The following RAPGEFL1 variants were observed in gnomAD, a reference collection of about 807,000 sequenced individuals.
The protein encoded by RAPGEFL1 is Rap guanine nucleotide exchange factor like 1, also known as rap guanine nucleotide exchange factor-like 1.
RAPGEFL1 carries 31 observed loss-of-function variants against 64.4 expected under a neutral mutation model. The observed-to-expected ratio is 0.48, with a 90% CI of 0.36 to 0.65. The LOEUF (loss-of-function observed/expected upper bound fraction) is 0.65. RAPGEFL1 is among the 30% of genes least tolerant of loss of function. RAPGEFL1 has a pLI of 0.00. For synonymous variants in RAPGEFL1, 331 were observed against 274.1 expected (o/e 1.21, Z -2.05); for missense variants, 682 against 677.4 (o/e 1.01, Z -0.08).
At position 40,177,580 on chromosome 17, in the gene RAPGEFL1, C is replaced by T. The variant is rs548511141; in HGVS notation, c.-282C>T. 2.5e-5 allele frequency: 10 copies of T among 404,620 alleles called. No individual in the cohort carries two copies. The highest frequency in any genetic ancestry group is 2.0e-4 in the East Asian group (5 of 24,586). 25.1% of individuals were successfully genotyped at this position (404,620 alleles called of 1,614,324 possible). On this transcript the variant is annotated 5_prime_UTR_variant, in exon 1 of 15. Coordinates refer to ENST00000620260, the MANE Select transcript of RAPGEFL1 (RefSeq NM_016339.6). ...TGCCGCCGCAGCGCAGAGCCGGGCG[C>T]ACCGGCCCCGCAGCCTGCCCACTCT...
chr17:40,181,445 C>T, intron 1 of RAPGEFL1, 171 bp from the exon 2 acceptor site: 1 of 651,056 alleles, frequency 1.5e-6, no homozygotes, highest in African/African-American at 1.8e-5. Flanking sequence ...CTGCCCAGAA[C>T]CTTTACACAT....
At chr17:40,190,864 C>A in intron 8 of RAPGEFL1, 102 bp downstream of exon 8, 1 of 1,528,478 alleles carries the variant, frequency 6.5e-7, no homozygotes, top group Non-Finnish European at 8.8e-7. Flanking sequence ...GGCTCACTTG[C>A]AGCAAGCCCT....
At chr17:40,177,220 G>T, upstream of RAPGEFL1, 1 of 702,636 alleles carries the variant, frequency 1.4e-6, no homozygotes, top group Non-Finnish European at 2.6e-6. Flanking sequence ...CCACAGACCT[G>T]TCCTGACTCT....
At chr17:40,189,864 G>A (rs940355833) in intron 6 of RAPGEFL1, among the ~76,000 whole-genome samples, 5 of 152,110 alleles carry the variant, frequency 3.3e-5, no homozygotes, top group Admixed American at 6.5e-5. Flanking sequence ...GCTGAGGCAG[G>A]AGAATCACTT....
At chr17:40,190,387 G>C (rs1300991645) in intron 6 of RAPGEFL1, 47 bp from the exon 7 acceptor site, 6 of 1,540,778 alleles carry the variant, frequency 3.9e-6, no homozygotes, top group Non-Finnish European at 5.4e-6. Flanking sequence ...GGATGTGTGA[G>C]GGTGCAGGCG....
chr17:40,188,797 T>C (rs1990161536), intron 4 of RAPGEFL1, 69 bp from the exon 5 acceptor site: 2 of 1,233,662 alleles, frequency 1.6e-6, no homozygotes, highest in South Asian at 2.4e-5. Flanking sequence ...TTGCTTGATG[T>C]TGCCTGCTTG....
chr17:40,193,567 A>C (rs745750442), intron 14 of RAPGEFL1, 97 bp from the exon 15 acceptor site: 1 of 1,598,380 alleles, frequency 6.3e-7, no homozygotes, highest in South Asian at 1.1e-5. Context: ...CCTGCCCAAC[A>C]TCTGTCTCAG....
At chr17:40,189,469 T>C in intron 6 of RAPGEFL1, 94 bp downstream of exon 6, 2 of 1,373,844 alleles carry the variant, frequency 1.5e-6, no homozygotes, top group South Asian at 2.6e-5. Flanking sequence ...TTCTAGGCCC[T>C]TGCTACTCAA....
chr17:40,184,505 C>A, intron 3 of RAPGEFL1, 76 bp from the exon 4 acceptor site: 2 of 1,147,240 alleles, frequency 1.7e-6, no homozygotes, highest in Admixed American at 2.5e-5. Flanking sequence ...GGTATGGAGA[C>A]CTTGCCCGGC....
In RAPGEFL1 at chr17:40,189,190, T is replaced by A; in HGVS notation, c.947-18T>A. The A allele has an allele frequency of 3.1e-6, 5 of 1,613,300 alleles. No individual in the cohort carries two copies. The highest frequency in any genetic ancestry group is 4.2e-6 in the Non-Finnish European group (5 of 1,179,356). ...CACTCTGCCCTCTGTTGAAAGCCAT[T>A]TTCCTGTTTCCGTCCAGTCTTCTGC... On this transcript the variant is annotated intron_variant, in intron 5 of 14. Coordinates refer to ENST00000620260, the MANE Select transcript of RAPGEFL1 (RefSeq NM_016339.6).
chr17:40,188,855 G>C lies in RAPGEFL1; in HGVS notation c.834-11G>C, dbSNP rs374213124. ...GCAGGGCGTGCTGATGCCCAGCTGT[G>C]TCCATGCCAGGATTCCAGAGGAGAA... On this transcript the variant is annotated splice_polypyrimidine_tract_variant and intron_variant, in intron 4 of 14. Transcript: ENST00000620260. 2.0e-4 allele frequency: 324 copies of C among 1,611,892 alleles called. 1 individual carries two copies. The Middle Eastern group carries it at 2.1e-3, about 11-fold the overall frequency.
intron 4 of RAPGEFL1, among the ~76,000 whole-genome samples, chr17:40,186,413 A>G (rs1990073793): frequency 6.8e-6 from 1 of 147,990 alleles, no homozygotes; most frequent in Non-Finnish European, 1.5e-5. Flanking sequence ...CTAAAAATAC[A>G]AAAAATTAGC....
In RAPGEFL1 at chr17:40,178,371, C is replaced by T. The variant is rs1417102097; in HGVS notation, c.510C>T (p.Ser170=). The change falls in exon 1 of 15, where the codon AGC becomes AGT. Residue 170 remains serine (S), a synonymous_variant. Coordinates refer to ENST00000620260, the MANE Select transcript of RAPGEFL1 (RefSeq NM_016339.6). The part of the protein sequence containing the change: ...ERLAGGATRD[S]AASDILLDDI... ...TTGCTGGAGGGGCTACCAGGGACAG[C>T]GCCGCCTCAGGTAAGGAGCCGGTGG... The T allele has an allele frequency of 5.7e-6, 3 of 522,666 alleles. No individual in the cohort carries two copies. Among genetic ancestry groups the T allele is most frequent in the Non-Finnish European group, 1.0e-5 (3 of 290,964 alleles). The allele number at this position is 522,666 out of a possible 1,614,324, so 32.4% of individuals were successfully genotyped here.
intron 4 of RAPGEFL1, among the ~76,000 whole-genome samples, chr17:40,185,958 C>G (rs935983345): frequency 1.4e-5 from 2 of 147,552 alleles, no homozygotes. Context: ...AGCGAGACTC[C>G]GTCTCTAAAG....
At chr17:40,189,173 C>T in intron 5 of RAPGEFL1, 35 bp from the exon 6 acceptor site, 1 of 1,606,482 alleles carries the variant, frequency 6.2e-7, no homozygotes. Flanking sequence ...GCCACTCTGC[C>T]CTCTGTTGAA....
rs1008556948 is a variant in RAPGEFL1 at position 40,192,964 on chromosome 17, G to A, written c.1783G>A (p.Asp595Asn). ...GCACGAAGGGAGTAAGACCCTTGTA[G>A]ATGGTTTGGTGAACATCGAGAAGCT... ...FLHEGSKTLV[D>N]GLVNIEKLHS... Residue 595 changes from aspartate to asparagine, a missense_variant, in exon 13 of 15, where the codon GAT becomes AAT. Around this residue, in one of 2 missense-constraint regions of RAPGEFL1, gnomAD observed 411 missense variants for 519.4 expected, o/e 0.79. Coordinates refer to ENST00000620260, the MANE Select transcript of RAPGEFL1 (RefSeq NM_016339.6). 6.2e-7 allele frequency: 1 copy of A among 1,614,092 alleles called. No individual in the cohort carries two copies. The highest frequency in any genetic ancestry group is 8.5e-7 in the Non-Finnish European group (1 of 1,179,940).
chr17:40,188,559 G>C (rs1482967458), intron 4 of RAPGEFL1: 3 of 371,004 alleles, frequency 8.1e-6, no homozygotes, highest in Non-Finnish European at 1.5e-5. Context: ...CAATCTCATA[G>C]AAGAGATAAG....
chr17:40,188,897 C>G lies in RAPGEFL1; in HGVS notation c.865C>G (p.Gln289Glu). ...IPEENQPPSK[Q>E]VKPLFRHFRR... ...AGAGGAGAACCAGCCACCCAGCAAG[C>G]AGGTGAAGCCACTCTTCCGCCACTT... Residue 289 changes from glutamine to glutamate, a missense_variant, in exon 5 of 15, where the codon CAG (glutamine) becomes GAG (glutamate). This residue lies in a region of RAPGEFL1 where 411 missense variants were observed against 519.4 expected (regional missense o/e 0.79). Coordinates refer to ENST00000620260, the MANE Select transcript of RAPGEFL1 (RefSeq NM_016339.6). 1 of 1,614,168 alleles carries G rather than the reference C, an allele frequency of 6.2e-7. No homozygotes were observed. Among genetic ancestry groups the G allele is most frequent in the Non-Finnish European group, 8.5e-7 (1 of 1,180,038 alleles).
rs769779550 is a variant in RAPGEFL1 at position 40,193,677 on chromosome 17, G to A, written c.1878G>A (p.Glu626=). 4.3e-6 allele frequency: 7 copies of A among 1,613,956 alleles called. No homozygotes were observed. Among genetic ancestry groups the A allele is most frequent in the African/African-American group, 1.3e-5 (1 of 74,864 alleles). Residue 626 remains glutamate, a synonymous_variant, in exon 15 of 15, where the codon GAG becomes GAA. Coordinates refer to ENST00000620260, the MANE Select transcript of RAPGEFL1 (RefSeq NM_016339.6). ...YRSRPLCLDM[E]ASPNHLQTKA... The stretch of plus-strand genomic sequence containing the variant: ...TTTACCCACTAGGCCTGGACATGGA[G>A]GCATCCCCCAATCACCTGCAGACCA...
Sources: gnomAD v4.1 joint callset for allele counts (sites outside exome capture counted in the v4.1 genomes callset) on GRCh38, gnomAD v4.1.1 for gene constraint, gnomAD v4.1.1 regional missense constraint, MANE v1.5 for transcripts, NCBI Gene and HGNC (gene_info 2026-07-23, HGNC 2026-07-21) for gene names.